Variants in PCDHA9 observed in about 807,000 individuals in gnomAD.
PCDHA9 encodes the protein protocadherin alpha 9.
In PCDHA9, 62 loss-of-function variants were observed where a neutral mutation model predicts 62.0. That is an observed-to-expected ratio of 1.00 (90% CI 0.81 to 1.23). PCDHA9 has a LOEUF of 1.23. Ranked by LOEUF, PCDHA9 falls within the 50% of genes most tolerant of loss-of-function variation. PCDHA9 has a pLI of 0.00. For synonymous variants in PCDHA9, 557 were observed against 567.6 expected, an observed-to-expected ratio of 0.98 and a Z score of 0.27; for missense variants, 1,205 against 1,249.8, an observed-to-expected ratio of 0.96 and a Z score of 0.54.
chr5:140,884,491 C>G, intron 1 of PCDHA9: 1 of 1,614,052 alleles, frequency 6.2e-7, no homozygotes, highest in East Asian at 2.2e-5. Flanking sequence ...CTCTAGTGTG[C>G]TCCAGCGCGG....
chr5:140,875,422 AG>A (rs1554167622), intron 1 of PCDHA9: 1 of 1,524,010 alleles, frequency 6.6e-7, no homozygotes, highest in Non-Finnish European at 8.8e-7. Context: ...ACCTCAGGCA[AG>A]CGATCCCTTA....
intron 1 of PCDHA9, among the ~76,000 whole-genome samples, chr5:140,935,799 A>T (rs1423027036): frequency 1.3e-5 from 2 of 151,978 alleles, no homozygotes; most frequent in African/African-American, 4.8e-5. Flanking sequence ...TATAAACGAG[A>T]TTATTTCATA....
At chr5:140,886,638 C>T (rs1282922977) in intron 1 of PCDHA9, among the ~76,000 whole-genome samples, 4 of 151,738 alleles carry the variant, frequency 2.6e-5, no homozygotes, top group South Asian at 2.1e-4. Flanking sequence ...CCAGCCTGGC[C>T]AACATGGTGA....
intron 1 of PCDHA9, 163 bp from the exon 2 acceptor site, chr5:140,978,786 G>C (rs2096822943): frequency 1.4e-5 from 14 of 972,674 alleles, no homozygotes; most frequent in Non-Finnish European, 1.3e-5. Context: ...CTTCTAAAGT[G>C]CTATATATGT....
intron 1 of PCDHA9, chr5:140,927,653 G>T: frequency 6.2e-7 from 1 of 1,614,190 alleles, no homozygotes; most frequent in Non-Finnish European, 8.5e-7. Context: ...GTGTTATTCC[G>T]AGTTCAAGCC....
intron 1 of PCDHA9, among the ~76,000 whole-genome samples, chr5:140,905,308 T>C (rs1194215404): frequency 1.3e-5 from 2 of 152,120 alleles, no homozygotes; most frequent in African/African-American, 4.8e-5. Flanking sequence ...TTTCCACACT[T>C]TGTGTTTGTA....
intron 1 of PCDHA9, chr5:140,876,180 T>G (rs782772220): frequency 1.2e-6 from 2 of 1,613,982 alleles, no homozygotes; most frequent in East Asian, 4.5e-5. Flanking sequence ...TGGATGTGAA[T>G]GACAATGGTC....
At chr5:140,989,101 A>G (rs1293454775) in intron 3 of PCDHA9, 1 of 152,216 alleles carries the variant, frequency 6.6e-6, no homozygotes, top group African/African-American at 2.4e-5. Flanking sequence ...AGGAGAAACA[A>G]CTTTTGAATA....
At chr5:140,924,839 G>A (rs1049952478) in intron 1 of PCDHA9, among the ~76,000 whole-genome samples, 3 of 150,922 alleles carry the variant, frequency 2.0e-5, no homozygotes, top group Non-Finnish European at 4.4e-5. Context: ...AGGTTGCAGG[G>A]AGCTCAGATC....
chr5:140,901,658 G>T (rs1554189962), intron 1 of PCDHA9, among the ~76,000 whole-genome samples: 1 of 151,936 alleles, frequency 6.6e-6, no homozygotes, highest in Admixed American at 6.6e-5. Flanking sequence ...TGTTCTTTTT[G>T]CTCAAGATAC....
chr5:140,993,462 TCACACACACACACACACA>T (rs3836747), intron 3 of PCDHA9, among the ~76,000 whole-genome samples: 75 of 141,044 alleles, frequency 5.3e-4, no homozygotes, highest in African/African-American at 1.6e-3. Flanking sequence ...TCTTTCTTTC[TCACACACACACACACACA>T]CACACACACA....
intron 1 of PCDHA9, chr5:140,851,591 T>C: frequency 1.1e-6 from 1 of 917,932 alleles, no homozygotes. Context: ...TTTTTTGAAA[T>C]TCAGTTTACA....
intron 1 of PCDHA9, among the ~76,000 whole-genome samples, chr5:140,905,531 C>T (rs2071895291): frequency 6.6e-6 from 1 of 151,776 alleles, no homozygotes; most frequent in African/African-American, 2.4e-5. Context: ...TTTTTTGGTT[C>T]CATATGAACT....
At chr5:140,855,820 T>C (rs2043635230) in intron 1 of PCDHA9, 2 of 529,480 alleles carry the variant, frequency 3.8e-6, no homozygotes, top group South Asian at 3.2e-5. Flanking sequence ...AGTTGTGAAC[T>C]CATGGAATCG....
intron 1 of PCDHA9, among the ~76,000 whole-genome samples, chr5:140,889,657 C>T (rs1411654885): frequency 2.0e-5 from 3 of 152,128 alleles, no homozygotes; most frequent in African/African-American, 7.2e-5. Context: ...GAGATGTCCT[C>T]TTCCCAGCCT....
Position 140,848,639 on chromosome 5 carries a change from C to A in PCDHA9, c.144C>A (p.Ile48=), listed in dbSNP as rs2150415771. 38 of 1,593,274 alleles carry A rather than the reference C, an allele frequency of 2.4e-5. 3 individuals carry two copies. Among genetic ancestry groups the A allele is most frequent in the Non-Finnish European group, 3.1e-5 (36 of 1,163,894 alleles). Residue 48 remains isoleucine, a synonymous_variant, in exon 1 of 4, where the codon ATC becomes ATA. Coordinates refer to ENST00000532602, the MANE Select transcript of PCDHA9 (RefSeq NM_031857.2). ...AACACGGCACCTTCGTGGGCCGCAT[C>A]GCGCAGGACCTGGGGCTGGAGCTGG... is the stretch of plus-strand genomic sequence containing the variant. The part of the protein sequence containing the change: ...EAEHGTFVGR[I]AQDLGLELAE...
At chr5:140,957,189 G>A (rs1376112973) in intron 1 of PCDHA9, among the ~76,000 whole-genome samples, 1 of 152,056 alleles carries the variant, frequency 6.6e-6, no homozygotes. Context: ...ATTGATGACC[G>A]ATTGGGAATA....
chr5:140,884,506 G>T (rs10076265), intron 1 of PCDHA9: 2 of 1,614,054 alleles, frequency 1.2e-6, no homozygotes, highest in Admixed American at 3.3e-5. Flanking sequence ...GCGCGGCAGG[G>T]AGTTGGTCGT....
In PCDHA9 at chr5:140,854,965, C is replaced by T. The variant is rs951485051; in HGVS notation, c.2394+4076C>T. Among the ~76,000 whole-genome samples the T allele has an allele frequency of 4.0e-5, 6 of 149,774 alleles. 1 individual carries two copies. Among genetic ancestry groups the T allele is most frequent in the African/African-American group, 1.5e-4 (6 of 40,950 alleles). ...TAATAAATTTCTTAATTACTTTATT[C>T]AGAATTATAATTAAGATTCTTTTTG... On this transcript the variant is annotated intron_variant, in intron 1 of 3. Coordinates refer to ENST00000532602, the MANE Select transcript of PCDHA9 (RefSeq NM_031857.2).
Sources: allele counts gnomAD v4.1 joint callset (sites outside exome capture counted in the v4.1 genomes callset), GRCh38; gene constraint gnomAD v4.1.1; transcripts MANE v1.5; gene names NCBI Gene and HGNC (gene_info 2026-07-23, HGNC 2026-07-21).